Variants in CYS1 observed in about 807,000 individuals in gnomAD.
CYS1 encodes the protein cystin-1.
A neutral mutation model predicts 9.6 loss-of-function variants in CYS1; 5 were observed. The observed-to-expected ratio is 0.52, with a 90% CI of 0.27 to 1.10. CYS1 has a LOEUF of 1.10. CYS1 is among the 50% of genes least tolerant of loss of function. The probability of loss-of-function intolerance (pLI) is 0.11; values close to 1 mark genes in which losing one functional copy is unlikely to be tolerated. For synonymous variants in CYS1, 88 were observed against 95.7 expected, an observed-to-expected ratio of 0.92 and a Z score of 0.47; for missense variants, 221 against 207.9, an observed-to-expected ratio of 1.06 and a Z score of -0.39.
chr2:10,060,667 G>A (rs1661615028), intron 2 of CYS1, among the ~76,000 whole-genome samples: 1 of 152,376 alleles, frequency 6.6e-6, no homozygotes, highest in African/African-American at 2.4e-5. Context: ...AGCACTGAAG[G>A]CAATATGTGT....
At chr2:10,060,670 A>G (rs913558430) in intron 2 of CYS1, among the ~76,000 whole-genome samples, 3 of 152,262 alleles carry the variant, frequency 2.0e-5, no homozygotes, top group Admixed American at 1.3e-4. Context: ...ACTGAAGGCA[A>G]TATGTGTTCC....
intron 1 of CYS1, among the ~76,000 whole-genome samples, chr2:10,072,087 C>CTT (rs796306088): frequency 1.4e-5 from 2 of 146,406 alleles, no homozygotes. Flanking sequence ...TCAAAGGTTA[C>CTT]TTTTTTTTTT....
Position 10,080,131 on chromosome 2 carries a change from C to G in CYS1, c.93G>C (p.Glu31Asp), listed in dbSNP as rs1661924633. 6 of 1,040,992 alleles carry G rather than the reference C, an allele frequency of 5.8e-6. No homozygotes were observed. Among genetic ancestry groups the G allele is most frequent in the Non-Finnish European group, 5.8e-6 (5 of 868,760 alleles). The allele number at this position is 1,040,992 out of a possible 1,614,324, so 64.5% of individuals were successfully genotyped here. A position where few individuals can be genotyped will look rare whatever the true frequency, so the allele number is the denominator to read the frequency against. ...LPAGPGAAAL[E>D]GGTRRRVPVA... Reference sequence around the variant, plus strand: ...CCGGCACCCGCCGGCGGGTCCCGCCCTCCAGGGCTGCCGCTCCGGGCCCCG... The same window carrying G: ...CCGGCACCCGCCGGCGGGTCCCGCCGTCCAGGGCTGCCGCTCCGGGCCCCG... Residue 31 changes from glutamate to aspartate, a missense_variant, in exon 1 of 3, where the codon GAG (glutamate) becomes GAC (aspartate). Physicochemically the swap from Glu to Asp is conservative, Grantham distance 45. Transcript: ENST00000381813. The surrounding 1 kb of genome is among the most constrained non-coding windows in gnomAD (Gnocchi z 6.4).
At chr2:10,077,693 C>T (rs1368592591) in intron 1 of CYS1, among the ~76,000 whole-genome samples, 5 of 152,018 alleles carry the variant, frequency 3.3e-5, no homozygotes, top group Non-Finnish European at 7.4e-5. Flanking sequence ...GCCGTGGTGG[C>T]GCACATCTGT....
chr2:10,064,902 T>G (rs530048548), intron 2 of CYS1, among the ~76,000 whole-genome samples: 102 of 151,492 alleles, frequency 6.7e-4, no homozygotes, highest in African/African-American at 1.8e-3. Flanking sequence ...TTTTGTTTTT[T>G]TTTTTTTTGG....
chr2:10,061,069 A>G (rs1019659156), intron 2 of CYS1, among the ~76,000 whole-genome samples: 5 of 152,036 alleles, frequency 3.3e-5, no homozygotes, highest in African/African-American at 9.7e-5. Context: ...CCATCTCTAC[A>G]AAGAGTACAA....
intron 1 of CYS1, among the ~76,000 whole-genome samples, chr2:10,077,279 G>A (rs1053473429): frequency 3.3e-5 from 5 of 151,970 alleles, no homozygotes; most frequent in Non-Finnish European, 5.9e-5. Context: ...TCACTCCAGC[G>A]AGACTCTGTC....
At chr2:10,061,646 AAGG>A (rs1661629001) in intron 2 of CYS1, among the ~76,000 whole-genome samples, 1 of 152,194 alleles carries the variant, frequency 6.6e-6, no homozygotes, top group Non-Finnish European at 1.5e-5. Context: ...CTTGGGGAGA[AAGG>A]AGAGCAGGGA....
chr2:10,060,887 A>G (rs573260860), intron 2 of CYS1, among the ~76,000 whole-genome samples: 2 of 152,382 alleles, frequency 1.3e-5, no homozygotes, highest in East Asian at 1.9e-4. Flanking sequence ...AGAGCTGGGC[A>G]CTAAGGAAGC....
chr2:10,071,233 C>T (rs527239951), intron 1 of CYS1, among the ~76,000 whole-genome samples: 28 of 152,330 alleles, frequency 1.8e-4, no homozygotes, highest in South Asian at 4.1e-4. Flanking sequence ...TCCCAAAGTG[C>T]GGGGATTACA....
intron 2 of CYS1, among the ~76,000 whole-genome samples, chr2:10,062,015 T>TC (rs1288339459): frequency 1.4e-5 from 2 of 146,784 alleles, no homozygotes; most frequent in Non-Finnish European, 3.0e-5. Context: ...AAGTCATGCT[T>TC]TTTTTTTTTT....
intron 1 of CYS1, among the ~76,000 whole-genome samples, chr2:10,068,197 T>G (rs1398654240): frequency 6.6e-6 from 1 of 152,238 alleles, no homozygotes; most frequent in East Asian, 1.9e-4. Context: ...TTTTCACATC[T>G]TCTAGGTCAC....
intron 2 of CYS1, among the ~76,000 whole-genome samples, chr2:10,062,251 C>G (rs1457444410): frequency 1.3e-5 from 2 of 152,086 alleles, no homozygotes; most frequent in Non-Finnish European, 2.9e-5. Context: ...AAGAAAAAGA[C>G]CTTTCCAAGG....
At chr2:10,066,949 A>T (rs548458038) in intron 1 of CYS1, among the ~76,000 whole-genome samples, 1 of 152,086 alleles carries the variant, frequency 6.6e-6, no homozygotes, top group South Asian at 2.1e-4. Context: ...TTCATTTAGG[A>T]CTCCTTTAGT....
chr2:10,058,941 C>G lies in CYS1; in HGVS notation c.389G>C (p.Arg130Pro). The G allele has an allele frequency of 6.3e-7, 1 of 1,588,570 alleles. No homozygotes were observed. Among genetic ancestry groups the G allele is most frequent in the Admixed American group, 1.8e-5 (1 of 56,954 alleles). ...GGCTGCCGGCCTCTCGGGCTTCTTG[C>G]GACCGCTGCCTGGGGCTCTGTGGGT... is the stretch of plus-strand genomic sequence containing the variant. ...GNVSEAPGSG[R>P]KKPERPAAIS... The change falls in exon 3 of 3, where the codon CGC (arginine) becomes CCC (proline). Residue 130 changes from arginine (R) to proline (P), a missense_variant. Transcript: ENST00000381813.
intron 1 of CYS1, among the ~76,000 whole-genome samples, chr2:10,071,887 C>T (rs188100284): frequency 2.1e-4 from 32 of 152,166 alleles, no homozygotes; most frequent in Middle Eastern, 3.4e-3. Flanking sequence ...TGTGTGTGTG[C>T]GCCCTGTTTG....
intron 2 of CYS1, among the ~76,000 whole-genome samples, chr2:10,062,076 C>T (rs966916843): frequency 9.9e-5 from 15 of 150,860 alleles, no homozygotes; most frequent in Non-Finnish European, 1.2e-4. Context: ...GGCAGGATCA[C>T]GGCTCACCAT....
At chr2:10,061,665 G>T (rs774115047) in intron 2 of CYS1, among the ~76,000 whole-genome samples, 13 of 152,206 alleles carry the variant, frequency 8.5e-5, no homozygotes, top group Non-Finnish European at 1.8e-4. Context: ...AGGGACTGGC[G>T]CAAGGGAAGC....
chr2:10,073,444 C>T (rs534109441), intron 1 of CYS1, among the ~76,000 whole-genome samples: 8 of 152,264 alleles, frequency 5.3e-5, no homozygotes, highest in African/African-American at 1.9e-4. Context: ...CAAAGTCCTC[C>T]GATGTAAATA....
Sources: gnomAD v4.1 joint callset for allele counts (sites outside exome capture counted in the v4.1 genomes callset) on GRCh38, gnomAD v4.1.1 for gene constraint, Gnocchi (gnomAD v3.1) non-coding constraint, MANE v1.5 for transcripts, NCBI Gene and HGNC (gene_info 2026-07-23, HGNC 2026-07-21) for gene names.